TANK: variants seen among roughly 807,000 people sequenced by gnomAD.
The protein encoded by TANK is TRAF family member-associated NF-kappa-B activator.
TANK carries 15 observed loss-of-function variants against 43.6 expected under a neutral mutation model. That is an observed-to-expected ratio of 0.34 (90% CI 0.23 to 0.53). The LOEUF (loss-of-function observed/expected upper bound fraction) is 0.53. TANK is among the 20% of genes least tolerant of loss of function. The probability of loss-of-function intolerance (pLI) is 0.94; values close to 1 mark genes in which losing one functional copy is unlikely to be tolerated. For synonymous variants in TANK, 162 were observed against 178.2 expected (o/e 0.91, Z 0.73); for missense variants, 417 against 498.6 (o/e 0.84, Z 1.56).
intron 4 of TANK, chr2:161,207,284 CG>C (rs1266995475): frequency 4.0e-6 from 2 of 503,338 alleles, no homozygotes; most frequent in African/African-American, 4.2e-5. Flanking sequence ...TTTGGGCAGA[CG>C]GTAAGAGGAA....
chr2:161,185,378 A>G (rs1482502807), intron 2 of TANK, among the ~76,000 whole-genome samples: 1 of 152,068 alleles, frequency 6.6e-6, no homozygotes, highest in African/African-American at 2.4e-5. Flanking sequence ...TAGTAGGCTG[A>G]GGAGAATTAG....
At chr2:161,167,547 T>G (rs1315807833) in intron 1 of TANK, among the ~76,000 whole-genome samples, 1 of 152,194 alleles carries the variant, frequency 6.6e-6, no homozygotes, top group African/African-American at 2.4e-5. Context: ...GACAGCTGCC[T>G]TGGACACACT....
chr2:161,137,977 T>A (rs1034190537), intron 1 of TANK: 39 of 589,724 alleles, frequency 6.6e-5, no homozygotes, highest in Admixed American at 2.5e-4. Context: ...AAAAAAAAAA[T>A]AATAATAATG....
At chr2:161,166,166 C>A (rs1684670016) in intron 1 of TANK, among the ~76,000 whole-genome samples, 1 of 152,202 alleles carries the variant, frequency 6.6e-6, no homozygotes, top group Admixed American at 6.5e-5. Flanking sequence ...TATCCTGTTG[C>A]ATTTAGCCTT....
chr2:161,201,230 C>G, intron 2 of TANK: 8 of 975,930 alleles, frequency 8.2e-6, no homozygotes, highest in Non-Finnish European at 9.7e-6. Context: ...GTTAAAACTT[C>G]AATTTGAAAT....
intron 6 of TANK, among the ~76,000 whole-genome samples, chr2:161,230,579 C>G (rs531265413): frequency 6.6e-6 from 1 of 152,232 alleles, no homozygotes; most frequent in East Asian, 1.9e-4. Flanking sequence ...TTAGATATAC[C>G]TAGTAAGATT....
At chr2:161,146,196 A>T (rs1683906291) in intron 1 of TANK, among the ~76,000 whole-genome samples, 1 of 152,012 alleles carries the variant, frequency 6.6e-6, no homozygotes, top group Admixed American at 6.6e-5. Flanking sequence ...TTCCTCTCTA[A>T]ACTGGTTATT....
intron 4 of TANK, among the ~76,000 whole-genome samples, chr2:161,211,388 T>C (rs1179177128): frequency 6.6e-6 from 1 of 152,206 alleles, no homozygotes; most frequent in East Asian, 1.9e-4. Flanking sequence ...CCAGACACTT[T>C]CTGTTGCAAG....
chr2:161,137,995 CAA>C, intron 1 of TANK: 2 of 631,076 alleles, frequency 3.2e-6, no homozygotes, highest in Non-Finnish European at 3.9e-6. Context: ...ATGATTAACT[CAA>C]GTTTAGTATT....
At chr2:161,173,552 C>T (rs188796971) in intron 1 of TANK, among the ~76,000 whole-genome samples, 28 of 152,030 alleles carry the variant, frequency 1.8e-4, no homozygotes, top group Middle Eastern at 3.2e-3. Context: ...GAATGAAATG[C>T]GTAAATCTCT....
intron 1 of TANK, among the ~76,000 whole-genome samples, chr2:161,175,808 G>T (rs1685150094): frequency 6.6e-6 from 1 of 152,090 alleles, no homozygotes; most frequent in Admixed American, 6.6e-5. Context: ...TGAACCACTG[G>T]TCTGGGTAGG....
intron 4 of TANK, among the ~76,000 whole-genome samples, chr2:161,221,640 ATGTC>A (rs1482895855): frequency 6.6e-6 from 1 of 151,912 alleles, no homozygotes; most frequent in Non-Finnish European, 1.5e-5. Context: ...CGACTTCAAA[ATGTC>A]TGTCAGAAAA....
At chr2:161,172,149 AATAAC>A (rs940212510) in intron 1 of TANK, among the ~76,000 whole-genome samples, 3 of 152,162 alleles carry the variant, frequency 2.0e-5, no homozygotes, top group South Asian at 4.1e-4. Flanking sequence ...TTTTACATAA[AATAAC>A]AGACACAAAA....
chr2:161,148,470 A>T (rs560663365), intron 1 of TANK, among the ~76,000 whole-genome samples: 3 of 152,278 alleles, frequency 2.0e-5, no homozygotes, highest in African/African-American at 7.2e-5. Context: ...CTCCTTTTCT[A>T]TAGACTGTCT....
intron 3 of TANK, among the ~76,000 whole-genome samples, chr2:161,204,388 A>C (rs1368862175): frequency 6.6e-6 from 1 of 152,180 alleles, no homozygotes; most frequent in Non-Finnish European, 1.5e-5. Flanking sequence ...ATAAAAGTTG[A>C]ATTGTTGCTG....
At chr2:161,146,042 AT>A (rs1683900810) in intron 1 of TANK, among the ~76,000 whole-genome samples, 1 of 152,002 alleles carries the variant, frequency 6.6e-6, no homozygotes, top group African/African-American at 2.4e-5. Context: ...TTGTTCTCTA[AT>A]CTTGTCTTCA....
At chr2:161,178,917 A>C (rs1685295756) in intron 1 of TANK, among the ~76,000 whole-genome samples, 1 of 152,144 alleles carries the variant, frequency 6.6e-6, no homozygotes, top group Non-Finnish European at 1.5e-5. Flanking sequence ...CTCAGAGCCA[A>C]GGAATGTCGT....
At chr2:161,177,152 G>A (rs112723040) in intron 1 of TANK, among the ~76,000 whole-genome samples, 5 of 152,138 alleles carry the variant, frequency 3.3e-5, no homozygotes, top group African/African-American at 7.2e-5. Flanking sequence ...ATTAATTATC[G>A]TAACAGGATT....
chr2:161,147,707 A>G (rs1683955917), intron 1 of TANK, among the ~76,000 whole-genome samples: 1 of 152,166 alleles, frequency 6.6e-6, no homozygotes, highest in Admixed American at 6.5e-5. Flanking sequence ...GCGTGCTGTT[A>G]TAGTCCTTTT....
Sources: gnomAD v4.1 joint callset for allele counts (sites outside exome capture counted in the v4.1 genomes callset) on GRCh38, gnomAD v4.1.1 for gene constraint, MANE v1.5 for transcripts, NCBI Gene and HGNC (gene_info 2026-07-23, HGNC 2026-07-21) for gene names.